The following CTNNA2 variants were observed in gnomAD, a reference collection of about 807,000 sequenced individuals.
CTNNA2 encodes catenin alpha-2.
In CTNNA2, 42 loss-of-function variants were observed where a neutral mutation model predicts 101.0. The observed-to-expected ratio is 0.42, with a 90% CI of 0.32 to 0.54. The LOEUF is 0.54. Among genes scored for constraint, CTNNA2 ranks in the 20% least tolerant of loss-of-function variants. The pLI is 0.14. For missense variants in CTNNA2, 871 were observed against 1,223.1 expected, an observed-to-expected ratio of 0.71 and a Z score of 4.29; for synonymous variants, 450 against 456.4, an observed-to-expected ratio of 0.99 and a Z score of 0.18.
At chr2:80,265,887 T>C (rs1490602834) in intron 7 of CTNNA2, among the ~76,000 whole-genome samples, 3 of 152,210 alleles carry the variant, frequency 2.0e-5, no homozygotes, top group Admixed American at 2.0e-4. Context: ...ACATGGAACA[T>C]CTGATTAAGT....
chr2:79,835,714 G>C (rs1679309944), intron 3 of CTNNA2, among the ~76,000 whole-genome samples: 1 of 107,138 alleles, frequency 9.3e-6, no homozygotes, highest in Non-Finnish European at 1.7e-5. Flanking sequence ...GAGACAGAGT[G>C]TTGCTGTGCC....
chr2:80,342,799 A>G (rs1422242363), intron 7 of CTNNA2, among the ~76,000 whole-genome samples: 2 of 152,200 alleles, frequency 1.3e-5, no homozygotes, highest in Non-Finnish European at 1.5e-5. Context: ...AGGGTATCGG[A>G]ACAAAATACT....
chr2:80,218,971 A>C (rs1005307055), intron 7 of CTNNA2, among the ~76,000 whole-genome samples: 1 of 152,226 alleles, frequency 6.6e-6, no homozygotes, highest in South Asian at 2.1e-4. Context: ...ATGTAGAATC[A>C]CATGCTAAGG....
intron 9 of CTNNA2, among the ~76,000 whole-genome samples, chr2:80,464,701 T>C (rs1231355482): frequency 6.6e-6 from 1 of 152,172 alleles, no homozygotes; most frequent in African/African-American, 2.4e-5. Flanking sequence ...CCTATATCAC[T>C]TTGGGACGAG....
chr2:79,899,505 A>G (rs1457874187), intron 6 of CTNNA2, among the ~76,000 whole-genome samples: 1 of 152,182 alleles, frequency 6.6e-6, no homozygotes, highest in Non-Finnish European at 1.5e-5. Context: ...TGCTTTGGTA[A>G]ATCACTTTGT....
chr2:80,460,578 G>C (rs11903381), intron 9 of CTNNA2, among the ~76,000 whole-genome samples: 9,362 of 151,936 alleles, frequency 0.062, 951 homozygotes, highest in African/African-American at 0.21. Context: ...ATCACACCCT[G>C]TCCATCTACC....
chr2:80,409,834 G>T (rs147006196), intron 8 of CTNNA2, among the ~76,000 whole-genome samples: 2 of 152,214 alleles, frequency 1.3e-5, no homozygotes, highest in African/African-American at 4.8e-5. Flanking sequence ...CATTTGTGTA[G>T]ATTTTTCTTT....
rs532267902 is a variant in CTNNA2, at chr2:79,216,356, G to A, written c.-406+18280G>A. 5.4e-3 allele frequency among the ~76,000 whole-genome samples: 824 copies of A among 151,738 alleles called. 9 individuals are homozygous for A. Among genetic ancestry groups the A allele is most frequent in the African/African-American group, 0.019 (794 of 41,356 alleles). Reference sequence around the variant, plus strand: ...AAAGAGAGAGACACGGAGGGAAGGGGTTTGGGGGTTCTTACCCTCCAGAAA... The same window carrying A: ...AAAGAGAGAGACACGGAGGGAAGGGATTTGGGGGTTCTTACCCTCCAGAAA... On this transcript the variant is annotated intron_variant, in intron 2 of 21. Coordinates refer to the CTNNA2 transcript ENST00000466387.
At chr2:80,230,398 A>G (rs1709133624) in intron 7 of CTNNA2, among the ~76,000 whole-genome samples, 1 of 151,494 alleles carries the variant, frequency 6.6e-6, no homozygotes, top group Non-Finnish European at 1.5e-5. Flanking sequence ...ACTGGTCTAT[A>G]TTCATTATTA....
intron 2 of CTNNA2, among the ~76,000 whole-genome samples, chr2:79,257,978 G>A (rs1034297372): frequency 6.6e-6 from 1 of 152,064 alleles, no homozygotes; most frequent in Non-Finnish European, 1.5e-5. Flanking sequence ...GTTTCTAGAT[G>A]TCTAACTCCA....
At chr2:79,724,792 G>C (rs1368330177) in intron 2 of CTNNA2, among the ~76,000 whole-genome samples, 1 of 139,414 alleles carries the variant, frequency 7.2e-6, no homozygotes, top group Non-Finnish European at 1.5e-5. Context: ...TCCAGCCGGG[G>C]CGACAGACCA....
chr2:79,492,923 G>A (rs546398615), intron 4 of CTNNA2, among the ~76,000 whole-genome samples: 9 of 152,130 alleles, frequency 5.9e-5, no homozygotes, highest in Admixed American at 1.3e-4. Context: ...ATCAATCAAT[G>A]TAACCCACCA....
intron 7 of CTNNA2, among the ~76,000 whole-genome samples, chr2:80,177,004 A>G (rs559763863): frequency 6.6e-6 from 1 of 152,288 alleles, no homozygotes; most frequent in African/African-American, 2.4e-5. Context: ...GCTGATTCAG[A>G]TCATACACAG....
At chr2:79,555,707 A>T (rs1674400912) in intron 1 of CTNNA2, among the ~76,000 whole-genome samples, 1 of 152,088 alleles carries the variant, frequency 6.6e-6, no homozygotes, top group Non-Finnish European at 1.5e-5. Flanking sequence ...ATTAGGATTT[A>T]CCAAGGTCAA....
At chr2:79,684,105 A>T (rs1683769217) in intron 2 of CTNNA2, among the ~76,000 whole-genome samples, 1 of 152,202 alleles carries the variant, frequency 6.6e-6, no homozygotes, top group Non-Finnish European at 1.5e-5. Flanking sequence ...GAGCCAGGAT[A>T]ATGAACAATT....
intron 1 of CTNNA2, among the ~76,000 whole-genome samples, chr2:79,607,670 G>T (rs923763137): frequency 6.6e-6 from 1 of 152,022 alleles, no homozygotes; most frequent in African/African-American, 2.4e-5. Flanking sequence ...GTAAATATCC[G>T]TGTGCCAAAG....
chr2:79,665,990 C>T (rs976177894), intron 2 of CTNNA2, among the ~76,000 whole-genome samples: 1 of 152,262 alleles, frequency 6.6e-6, no homozygotes, highest in African/African-American at 2.4e-5. Context: ...AACACGAACT[C>T]CCAGTTTACA....
chr2:80,375,466 C>T (rs1304459531), intron 7 of CTNNA2, among the ~76,000 whole-genome samples: 1 of 151,714 alleles, frequency 6.6e-6, no homozygotes, highest in Non-Finnish European at 1.5e-5. Flanking sequence ...AATGAAAAGA[C>T]TTGAACCCAT....
At chr2:79,297,319 C>T (rs1327655995) in intron 2 of CTNNA2, among the ~76,000 whole-genome samples, 1 of 152,136 alleles carries the variant, frequency 6.6e-6, no homozygotes, top group Admixed American at 6.6e-5. Context: ...CCAGTAGAAC[C>T]TAGAAACATT....
Sources: allele counts gnomAD v4.1 joint callset (sites outside exome capture counted in the v4.1 genomes callset), GRCh38; gene constraint gnomAD v4.1.1; transcripts MANE v1.5; gene names NCBI Gene and HGNC (gene_info 2026-07-23, HGNC 2026-07-21).